Variants in SETD7 observed in about 807,000 individuals in gnomAD.
SETD7 encodes histone-lysine N-methyltransferase SETD7.
Under a neutral mutation model 41.8 loss-of-function variants are expected in SETD7, and 16 were observed. That is an observed-to-expected ratio of 0.38 (90% CI 0.26 to 0.58). The LOEUF (loss-of-function observed/expected upper bound fraction) is 0.58. Among genes scored for constraint, SETD7 ranks in the 20% least tolerant of loss-of-function variants. SETD7 has a pLI of 0.64. For synonymous variants in SETD7, 163 were observed against 169.7 expected (o/e 0.96, Z 0.31); for missense variants, 346 against 459.7 (o/e 0.75, Z 2.26).
At chr4:139,498,487 C>T (rs77270696) in intron 7 of SETD7, among the ~76,000 whole-genome samples, 6,001 of 152,314 alleles carry the variant, frequency 0.039, 172 homozygotes, top group Non-Finnish European at 0.065. Context: ...TTCTTGTCTA[C>T]GTTTTCTCTT....
intron 6 of SETD7, 39 bp from the exon 7 acceptor site, chr4:139,518,081 T>C: frequency 1.3e-6 from 2 of 1,589,768 alleles, no homozygotes; most frequent in Middle Eastern, 1.7e-4. Flanking sequence ...AGAGGACCTT[T>C]CTCCCCAAAG....
intron 1 of SETD7, among the ~76,000 whole-genome samples, chr4:139,554,843 A>G (rs2111183427): frequency 6.6e-6 from 1 of 152,354 alleles, no homozygotes; most frequent in South Asian, 2.1e-4. Context: ...GAAAACATTA[A>G]AACTGATTTT....
chr4:139,533,282 C>A lies in SETD7; in HGVS notation c.255G>T (p.Thr85=), dbSNP rs151011357. 6.2e-7 allele frequency: 1 copy of A among 1,614,126 alleles called. No individual in the cohort carries two copies. The highest frequency in any genetic ancestry group is 1.7e-5 in the Admixed American group (1 of 60,004). The change falls in exon 3 of 8, where the codon ACG becomes ACT. Residue 85 remains threonine (T), a synonymous_variant. Transcript: ENST00000274031. Reference sequence around the variant, plus strand: ...GACCGTTCAGCTCTCCGTCTACATACGTGCCCTGGAGAACTCCCCCATCTT... The same window carrying A: ...GACCGTTCAGCTCTCCGTCTACATAAGTGCCCTGGAGAACTCCCCCATCTT... The part of the protein sequence containing the change: ...TYEDGGVLQG[T]YVDGELNGPA...
intron 3 of SETD7, among the ~76,000 whole-genome samples, chr4:139,531,240 C>A (rs139573409): frequency 6.6e-6 from 1 of 152,204 alleles, no homozygotes; most frequent in Non-Finnish European, 1.5e-5. Flanking sequence ...CAAAATGCAA[C>A]CATGTTGAGC....
chr4:139,523,483 G>A, intron 4 of SETD7, 48 bp from the exon 5 acceptor site: 2 of 1,364,560 alleles, frequency 1.5e-6, no homozygotes, highest in South Asian at 1.2e-5. Context: ...TTAGGGAAGA[G>A]CATTTATAAC....
At position 139,555,180 on chromosome 4, in the gene SETD7, AAC is replaced by A. The variant is rs1491037058; in HGVS notation, c.40+916_40+917del. Among the ~76,000 whole-genome samples, 80 of 117,774 alleles carry A rather than the reference AAC, an allele frequency of 6.8e-4. No individual in the cohort carries two copies. Among genetic ancestry groups the A allele is most frequent in the African/African-American group, 2.4e-3 (64 of 26,524 alleles). 77.3% of individuals were successfully genotyped at this position (117,774 alleles called of 152,430 possible). On this transcript the variant is annotated intron_variant, in intron 1 of 7. Transcript: ENST00000274031. The surrounding 1 kb of genome is among the most constrained non-coding windows in gnomAD (Gnocchi z 4.0). ...GTCCCCACATCGTTTTTTCAGAACT[AAC>A]AAAAAAAAAAAAAAAAAGGTGGAGA...
At position 139,521,918 on chromosome 4, in the gene SETD7, C is replaced by T. The variant is rs561526032; in HGVS notation, c.644+1436G>A. On this transcript the variant is annotated intron_variant, in intron 5 of 7. Transcript: ENST00000274031. ...TTGAAACCTGGAGTCCAGCCTAGGCCAGCTGAGCTTAGCTGATTCCAGTCA... is the reference window on the plus strand; with the variant it reads ...TTGAAACCTGGAGTCCAGCCTAGGCTAGCTGAGCTTAGCTGATTCCAGTCA... Among the ~76,000 whole-genome samples, 29 of 152,328 alleles carry T rather than the reference C, an allele frequency of 1.9e-4. No individual in the cohort carries two copies. In the South Asian group the frequency reaches 6.0e-3, roughly 32 times the overall value.
chr4:139,511,969 A>G, intron 7 of SETD7, 126 bp from the exon 8 acceptor site: 1 of 1,438,018 alleles, frequency 7.0e-7, no homozygotes, highest in Non-Finnish European at 9.1e-7. Context: ...GTATGTGCCC[A>G]AAGTGTGGTC....
At chr4:139,523,629 A>G (rs1256838344) in intron 4 of SETD7, among the ~76,000 whole-genome samples, 194 bp from the exon 5 acceptor site, 1 of 152,240 alleles carries the variant, frequency 6.6e-6, no homozygotes. Context: ...TCAGGCCTTC[A>G]TGAACAGCCA....
intron 2 of SETD7, among the ~76,000 whole-genome samples, chr4:139,545,593 A>C (rs1727918454): frequency 6.6e-6 from 1 of 152,218 alleles, no homozygotes; most frequent in Non-Finnish European, 1.5e-5. Context: ...ATTATAATTA[A>C]AATGAAATTT....
At chr4:139,493,959 GTGAC>G (rs143602784), downstream of SETD7, among the ~76,000 whole-genome samples, 1,465 of 152,326 alleles carry the variant, frequency 9.6e-3, 17 homozygotes, top group African/African-American at 0.029. Context: ...GGCTCACTCA[GTGAC>G]TGCCTGCCTC....
At chr4:139,521,176 A>T (rs1727171199) in intron 5 of SETD7, among the ~76,000 whole-genome samples, 1 of 152,210 alleles carries the variant, frequency 6.6e-6, no homozygotes, top group Non-Finnish European at 1.5e-5. Flanking sequence ...CTGTAATGCC[A>T]GCACTTTGGG....
intron 7 of SETD7, among the ~76,000 whole-genome samples, chr4:139,517,618 A>G (rs1429506820): frequency 6.6e-6 from 1 of 152,234 alleles, no homozygotes; most frequent in Non-Finnish European, 1.5e-5. Flanking sequence ...AAGCGGCTAT[A>G]AAACAGCAAC....
exon 8 of SETD7, chr4:139,496,125 G>T: frequency 2.5e-6 from 1 of 400,356 alleles, no homozygotes. Context: ...CAAATATCCT[G>T]ATTGTTTTAA....
intron 5 of SETD7, among the ~76,000 whole-genome samples, chr4:139,522,903 G>A (rs10213126): frequency 2.6e-5 from 4 of 151,880 alleles, no homozygotes; most frequent in Non-Finnish European, 4.4e-5. Flanking sequence ...ACAGGTATAC[G>A]CCATGACACC....
rs576713233 is a variant in SETD7, at chr4:139,515,808, A to G, written c.920+2077T>C. Among the ~76,000 whole-genome samples the G allele has an allele frequency of 2.6e-5, 4 of 152,332 alleles. No homozygotes were observed. The South Asian group carries it at 8.3e-4, about 32-fold the overall frequency. ...ACCTCCAAATCCTGGCAATTTGCCT[A>G]CAGATTAAATGCACATGATCTGATT... is the stretch of plus-strand genomic sequence containing the variant. On this transcript the variant is annotated intron_variant, in intron 7 of 7. Coordinates refer to ENST00000274031, the MANE Select transcript of SETD7 (RefSeq NM_030648.4).
intron 4 of SETD7, 111 bp downstream of exon 4, chr4:139,528,920 C>T (rs1012181735): frequency 1.5e-5 from 14 of 955,270 alleles, no homozygotes; most frequent in Non-Finnish European, 2.3e-5. Context: ...GACTAATAAA[C>T]ACGATTAAAG....
chr4:139,534,610 G>A (rs181973555), intron 2 of SETD7, among the ~76,000 whole-genome samples: 3 of 151,970 alleles, frequency 2.0e-5, no homozygotes, highest in Non-Finnish European at 4.4e-5. Context: ...TGCTGGTCTC[G>A]AACTCCTGGG....
intron 2 of SETD7, among the ~76,000 whole-genome samples, chr4:139,537,806 G>T (rs918159474): frequency 6.6e-6 from 1 of 152,184 alleles, no homozygotes; most frequent in African/African-American, 2.4e-5. Context: ...ATATGAATTC[G>T]ATATGCATAC....
Sources: allele counts gnomAD v4.1 joint callset (sites outside exome capture counted in the v4.1 genomes callset), GRCh38; gene constraint gnomAD v4.1.1; non-coding constraint Gnocchi (gnomAD v3.1); transcripts MANE v1.5; gene names NCBI Gene and HGNC (gene_info 2026-07-23, HGNC 2026-07-21).